The following CSF3R variants were observed in gnomAD, a reference collection of about 807,000 sequenced individuals.
CSF3R encodes colony stimulating factor 3 receptor.
Under a neutral mutation model 84.4 loss-of-function variants are expected in CSF3R, and 52 were observed. That is an observed-to-expected ratio of 0.62 (90% CI 0.49 to 0.78). The LOEUF is 0.78. CSF3R is among the 30% of genes least tolerant of loss of function. CSF3R has a pLI of 0.00. For synonymous variants in CSF3R, 384 were observed against 429.1 expected (o/e 0.89, Z 1.30); for missense variants, 890 against 1,055.7 (o/e 0.84, Z 2.17).
Position 36,467,068 on chromosome 1 carries a change from T to A in CSF3R, c.2040+162A>T. Reference sequence around the variant, plus strand: ...CAGGGAGGTGACTGAGGCTTTGAGATGGACAGAGGTGGGATTCAAAGTTGG... The same window carrying A: ...CAGGGAGGTGACTGAGGCTTTGAGAAGGACAGAGGTGGGATTCAAAGTTGG... On this transcript the variant is annotated intron_variant, in intron 16 of 16. Transcript: ENST00000373106. This position sits in a 1 kb window ranked among gnomAD's most constrained non-coding sequence, Gnocchi z 4.1. 8.2e-7 allele frequency: 1 copy of A among 1,224,984 alleles called. No homozygotes were observed. Among genetic ancestry groups the A allele is most frequent in the South Asian group, 1.3e-5 (1 of 78,122 alleles). 75.9% of individuals were successfully genotyped at this position (1,224,984 alleles called of 1,614,324 possible).
At chr1:36,481,779 C>G (rs1391235734) in intron 1 of CSF3R, 4 of 152,530 alleles carry the variant, frequency 2.6e-5, no homozygotes, top group Non-Finnish European at 5.9e-5. Flanking sequence ...GGACTGCCAC[C>G]TTGCTTTTGT....
At position 36,466,919 on chromosome 1, in the gene CSF3R, AT is replaced by A; in HGVS notation, c.2041-93del. On this transcript the variant is annotated intron_variant, in intron 16 of 16. Transcript: ENST00000373106. The surrounding 1 kb of genome is among the most constrained non-coding windows in gnomAD (Gnocchi z 4.6). ...TCTGGGTCCGGGCAGCTGTGGGGACATTCAACTGTTGTTACTGGTGGAACAC... is the reference window on the plus strand; with the variant it reads ...TCTGGGTCCGGGCAGCTGTGGGGACATCAACTGTTGTTACTGGTGGAACAC... 2 of 1,613,590 alleles carry A rather than the reference AT, an allele frequency of 1.2e-6. No homozygotes were observed. Among genetic ancestry groups the A allele is most frequent in the Non-Finnish European group, 8.5e-7 (1 of 1,180,026 alleles).
At chr1:36,478,991 A>C in intron 3 of CSF3R, 1 of 299,954 alleles carries the variant, frequency 3.3e-6, no homozygotes, top group Non-Finnish European at 6.6e-6. Flanking sequence ...TTTAGCTTGC[A>C]TACCCCTGGG....
chr1:36,475,545 G>C lies in CSF3R; in HGVS notation c.193C>G (p.Leu65Val), dbSNP rs757380490. 11 of 1,614,148 alleles carry C rather than the reference G, an allele frequency of 6.8e-6. No homozygotes were observed. The highest frequency in any genetic ancestry group is 8.5e-6 in the Non-Finnish European group (10 of 1,180,018). The change falls in exon 4 of 17, where the codon CTG becomes GTG. Residue 65 changes from leucine (L) to valine (V), a missense_variant. Coordinates refer to ENST00000373106, the MANE Select transcript of CSF3R (RefSeq NM_000760.4). ...CCCCCGGGCTGAAGCTCTGCTCCCAGTCTCCACAGAATCTGTGGCTCCGGG... is the reference window on the plus strand; with the variant it reads ...CCCCCGGGCTGAAGCTCTGCTCCCACTCTCCACAGAATCTGTGGCTCCGGG... ...LDPEPQILWRLGAELQPGGRQ... is the reference protein window; with the variant it reads ...LDPEPQILWRVGAELQPGGRQ...
chr1:36,467,871 C>T lies in CSF3R; in HGVS notation c.1815G>A (p.Gln605=), dbSNP rs1278233668. 6.2e-7 allele frequency: 1 copy of T among 1,614,250 alleles called. No individual in the cohort carries two copies. The highest frequency in any genetic ancestry group is 8.5e-7 in the Non-Finnish European group (1 of 1,180,044). The change falls in exon 14 of 17, where the codon CAG becomes CAA. Residue 605 remains glutamine (Q), a synonymous_variant. Coordinates refer to ENST00000373106, the MANE Select transcript of CSF3R (RefSeq NM_000760.4). The surrounding 1 kb of genome is among the most constrained non-coding windows in gnomAD (Gnocchi z 4.1). Reference sequence around the variant, plus strand: ...GGACTGTACTGTTGGTGGCCCCAGCCTGGCTGGCAGCCATGAGGTGGATGT... The same window carrying T: ...GGACTGTACTGTTGGTGGCCCCAGCTTGGCTGGCAGCCATGAGGTGGATGT... The part of the protein sequence containing the change: ...LYHIHLMAAS[Q]AGATNSTVLT...
At position 36,467,885 on chromosome 1, in the gene CSF3R, T is replaced by C; in HGVS notation, c.1801A>G (p.Met601Val). ...EPASLYHIHLMAASQAGATNS... is the reference protein window; with the variant it reads ...EPASLYHIHLVAASQAGATNS... ...GTGGCCCCAGCCTGGCTGGCAGCCA[T>C]GAGGTGGATGTGATACAGACTGGCG... The change falls in exon 14 of 17, where the codon ATG becomes GTG. Residue 601 changes from methionine (M) to valine (V), a missense_variant. Physicochemically the swap from Met to Val is conservative, Grantham distance 21 (BLOSUM62 1). Transcript: ENST00000373106. The surrounding 1 kb of genome is among the most constrained non-coding windows in gnomAD (Gnocchi z 4.1). 1 of 1,614,030 alleles carries C rather than the reference T, an allele frequency of 6.2e-7. No homozygotes were observed. The highest frequency in any genetic ancestry group is 1.1e-5 in the South Asian group (1 of 91,072).
In CSF3R at chr1:36,472,498, A is replaced by T. The variant is rs926262171; in HGVS notation, c.843+19T>A. On this transcript the variant is annotated intron_variant, in intron 7 of 16. Coordinates refer to ENST00000373106, the MANE Select transcript of CSF3R (RefSeq NM_000760.4). The surrounding 1 kb of genome is among the most constrained non-coding windows in gnomAD (Gnocchi z 5.0). ...CTGCCCCCACCACCTCAGGCTCTCC[A>T]GGTTGCCCTCTGCCTCACCAGTGCC... is the stretch of plus-strand genomic sequence containing the variant. 10 of 1,614,076 alleles carry T rather than the reference A, an allele frequency of 6.2e-6. No homozygotes were observed. The highest frequency in any genetic ancestry group is 3.3e-5 in the Admixed American group (2 of 60,022).
rs1355024091 is a variant in CSF3R, at chr1:36,467,717, G to A, written c.1865-66C>T. On this transcript the variant is annotated intron_variant, in intron 14 of 16. Transcript: ENST00000373106. The surrounding 1 kb of genome is among the most constrained non-coding windows in gnomAD (Gnocchi z 4.1). ...TGGGAAGGCTGGGTCTCCTCCCTCC[G>A]ACCAGGGGATTCAAAGTCAGTCCCC... is the stretch of plus-strand genomic sequence containing the variant. 13 of 1,610,748 alleles carry A rather than the reference G, an allele frequency of 8.1e-6. No individual in the cohort carries two copies. The highest frequency in any genetic ancestry group is 1.0e-5 in the Non-Finnish European group (12 of 1,177,118).
rs1451079245 is a variant in CSF3R, at chr1:36,469,851, G to C, written c.1286-11C>G. 2 of 1,613,474 alleles carry C rather than the reference G, an allele frequency of 1.2e-6. No individual in the cohort carries two copies. Among genetic ancestry groups the C allele is most frequent in the Admixed American group, 3.3e-5 (2 of 59,994 alleles). Reference sequence around the variant, plus strand: ...TGGTCAGAGCTGGGCCTGGAGACAGGGTGGGAAATGGTGGAATGAAGGTGA... The same window carrying C: ...TGGTCAGAGCTGGGCCTGGAGACAGCGTGGGAAATGGTGGAATGAAGGTGA... On this transcript the variant is annotated splice_polypyrimidine_tract_variant and intron_variant, in intron 10 of 16. Coordinates refer to ENST00000373106, the MANE Select transcript of CSF3R (RefSeq NM_000760.4).
At chr1:36,473,710 A>C (rs1289600798) in intron 5 of CSF3R, 54 bp downstream of exon 5, 34 of 1,613,914 alleles carry the variant, frequency 2.1e-5, no homozygotes, top group Non-Finnish European at 2.5e-6. Context: ...CATCCTACCC[A>C]TGCCCTACCC....
chr1:36,471,873 C>A, intron 9 of CSF3R, 193 bp downstream of exon 9: 1 of 693,994 alleles, frequency 1.4e-6, no homozygotes, highest in South Asian at 1.8e-5. Context: ...ATTCACTGAA[C>A]CACACTGTGA....
In CSF3R at chr1:36,474,000, T is replaced by C. The variant is rs533856817; in HGVS notation, c.362-113A>G. The C allele has an allele frequency of 2.9e-5, 44 of 1,495,388 alleles. No individual in the cohort carries two copies. In the South Asian group the frequency reaches 4.6e-4, roughly 16 times the overall value. 92.6% of individuals were successfully genotyped at this position (1,495,388 alleles called of 1,614,324 possible). On this transcript the variant is annotated intron_variant, in intron 4 of 16. Coordinates refer to ENST00000373106, the MANE Select transcript of CSF3R (RefSeq NM_000760.4). ...CTGGCTTGGTTCCTCTGTTGTCACC[T>C]TGTCTGTCCCCCTGTCTCCAGGCAG...
At chr1:36,471,673 A>C in intron 9 of CSF3R, 27 bp from the exon 10 acceptor site, 5 of 1,610,238 alleles carry the variant, frequency 3.1e-6, no homozygotes, top group Non-Finnish European at 4.2e-6. Flanking sequence ...GAAAAAGAGA[A>C]GGGGATGTGC....
At chr1:36,479,632 C>T in intron 2 of CSF3R, 116 bp from the exon 3 acceptor site, 1 of 808,670 alleles carries the variant, frequency 1.2e-6, no homozygotes, top group Non-Finnish European at 2.1e-6. Flanking sequence ...GCCTTCGTTT[C>T]TTTGCAAAAT....
At chr1:36,473,076 G>A (rs1650883994) in intron 6 of CSF3R, 1 of 395,078 alleles carries the variant, frequency 2.5e-6, no homozygotes, top group Non-Finnish European at 4.6e-6. Flanking sequence ...TCTGCTTATT[G>A]CTATCTGAAA....
At chr1:36,480,955 T>G (rs1651481861) in intron 2 of CSF3R, among the ~76,000 whole-genome samples, 1 of 152,184 alleles carries the variant, frequency 6.6e-6, no homozygotes, top group Non-Finnish European at 1.5e-5. Context: ...TCGGCTCCAG[T>G]TACTCCTCAG....
chr1:36,473,697 C>T, intron 5 of CSF3R, 67 bp downstream of exon 5: 1 of 1,613,936 alleles, frequency 6.2e-7, no homozygotes, highest in East Asian at 2.2e-5. Context: ...GAGGCATGCC[C>T]AGCATCCTAC....
chr1:36,482,257 C>T (rs1004874039), intron 1 of CSF3R, among the ~76,000 whole-genome samples: 23 of 146,910 alleles, frequency 1.6e-4, no homozygotes, highest in African/African-American at 2.4e-4. Flanking sequence ...AGAGAGATAT[C>T]GAGAGACAGA....
rs147733556 is a variant in CSF3R, at chr1:36,478,129, C to T, written c.64+1304G>A. The stretch of plus-strand genomic sequence containing the variant: ...TTCAAAACTCTACCTGATGCTCTGC[C>T]CTCTACAGCAGGGCTTGAGTGGCCT... On this transcript the variant is annotated intron_variant, in intron 3 of 16. Coordinates refer to ENST00000373106, the MANE Select transcript of CSF3R (RefSeq NM_000760.4). Among the ~76,000 whole-genome samples the T allele has an allele frequency of 3.7e-3, 558 of 152,332 alleles. 3 individuals are homozygous for T. Among genetic ancestry groups the T allele is most frequent in the African/African-American group, 0.013 (525 of 41,580 alleles).
Sources: gnomAD v4.1 joint callset for allele counts (sites outside exome capture counted in the v4.1 genomes callset) on GRCh38, gnomAD v4.1.1 for gene constraint, Gnocchi (gnomAD v3.1) non-coding constraint, MANE v1.5 for transcripts, NCBI Gene and HGNC (gene_info 2026-07-23, HGNC 2026-07-21) for gene names.